The following CCDC88C variants were observed in gnomAD, a reference collection of about 807,000 sequenced individuals.
CCDC88C encodes coiled-coil and HOOK domain protein 88C.
In CCDC88C, 131 loss-of-function variants were observed where a neutral mutation model predicts 198.8. That is an observed-to-expected ratio of 0.66 (90% CI 0.57 to 0.76). The LOEUF is 0.76. CCDC88C is among the 30% of genes least tolerant of loss of function. CCDC88C has a pLI of 0.00. For synonymous variants in CCDC88C, 1,166 were observed against 1,114.7 expected, an observed-to-expected ratio of 1.05 and a Z score of -0.92; for missense variants, 2,553 against 2,631.6, an observed-to-expected ratio of 0.97 and a Z score of 0.65.
intron 4 of CCDC88C, among the ~76,000 whole-genome samples, chr14:91,351,929 C>T (rs1010001555): frequency 1.3e-5 from 2 of 152,180 alleles, no homozygotes; most frequent in Admixed American, 6.5e-5. Flanking sequence ...ACCTGCCTGC[C>T]ACGCCTGCAG....
intron 18 of CCDC88C, 58 bp from the exon 19 acceptor site, chr14:91,305,984 C>A: frequency 6.4e-7 from 1 of 1,569,082 alleles, no homozygotes; most frequent in Non-Finnish European, 8.7e-7. Context: ...GCTAACTGGC[C>A]ACAGGTACTT....
intron 20 of CCDC88C, among the ~76,000 whole-genome samples, chr14:91,302,268 G>T (rs76699589): frequency 0.028 from 4,307 of 152,232 alleles, 203 homozygotes; most frequent in African/African-American, 0.093. Flanking sequence ...TTGTTGAGGC[G>T]GCTCCAAAGG....
At chr14:91,395,037 C>T (rs1489180515) in intron 3 of CCDC88C, among the ~76,000 whole-genome samples, 1 of 152,202 alleles carries the variant, frequency 6.6e-6, no homozygotes, top group Non-Finnish European at 1.5e-5. Context: ...CCCTCCCAGG[C>T]TGGCACTATT....
chr14:91,274,745 C>T (rs1437666488), intron 29 of CCDC88C, among the ~76,000 whole-genome samples: 4 of 152,204 alleles, frequency 2.6e-5, no homozygotes, highest in Non-Finnish European at 5.9e-5. Context: ...CTGGGAACCA[C>T]ATGTATAATT....
At chr14:91,392,632 A>AAAGCC (rs1237396341) in intron 3 of CCDC88C, among the ~76,000 whole-genome samples, 1 of 152,202 alleles carries the variant, frequency 6.6e-6, no homozygotes, top group East Asian at 1.9e-4. Context: ...GGAACATTTT[A>AAAGCC]AAGCCCAGCC....
intron 2 of CCDC88C, among the ~76,000 whole-genome samples, chr14:91,410,013 G>A (rs1310682709): frequency 6.6e-6 from 1 of 152,174 alleles, no homozygotes; most frequent in East Asian, 1.9e-4. Context: ...TTCATGTGGG[G>A]AATCCCCGAA....
rs1049048770 is a variant in CCDC88C, at chr14:91,368,301, T to C, written c.271-8590A>G. Among the ~76,000 whole-genome samples, 44 of 152,190 alleles carry C rather than the reference T, an allele frequency of 2.9e-4. 1 individual carries two copies. On this transcript the variant is annotated intron_variant, in intron 3 of 29. Transcript: ENST00000389857. ...ACCATATTCCTTAAGATTCACAGCC[T>C]GTAGCTGTTAACAAAAGTTAAAAAC... is the stretch of plus-strand genomic sequence containing the variant.
intron 17 of CCDC88C, 121 bp downstream of exon 17, chr14:91,308,230 C>T: frequency 8.7e-7 from 1 of 1,151,048 alleles, no homozygotes. Flanking sequence ...CTCTGTGGCG[C>T]ATCTACCCCT....
intron 3 of CCDC88C, chr14:91,379,981 G>A (rs1474751206): frequency 2.9e-6 from 2 of 689,452 alleles, no homozygotes; most frequent in African/African-American, 3.6e-5. Context: ...AAAACTGTTG[G>A]GAACTGCGCG....
At position 91,273,442 on chromosome 14, in the gene CCDC88C, A is replaced by T; in HGVS notation, c.5270T>A (p.Leu1757Gln). The T allele has an allele frequency of 6.3e-7, 1 of 1,584,716 alleles. No individual in the cohort carries two copies. The highest frequency in any genetic ancestry group is 8.6e-7 in the Non-Finnish European group (1 of 1,163,708). Residue 1757 changes from leucine (L) to glutamine (Q), a missense_variant, in exon 30 of 30, where the codon CTG becomes CAG. Physicochemically the swap from Leu to Gln is moderately radical, Grantham distance 113 (BLOSUM62 -2). Around this residue, in one of 2 missense-constraint regions of CCDC88C, gnomAD observed 1,293 missense variants for 1,219.6 expected, o/e 1.06. Transcript: ENST00000389857. This position sits in a 1 kb window ranked among gnomAD's most constrained non-coding sequence, Gnocchi z 5.6. ...PGQYVKPNFR[L>Q]TEAEAPPSVA... ...GCTGGGTGGGGCCTCGGCCTCAGTC[A>T]GTCTGAAGTTTGGCTTTACGTACTG...
intron 3 of CCDC88C, among the ~76,000 whole-genome samples, chr14:91,393,806 A>G (rs748840730): frequency 6.6e-6 from 1 of 152,206 alleles, no homozygotes; most frequent in African/African-American, 2.4e-5. Context: ...GTGAGCCGAG[A>G]TCGCACCACT....
rs190723916 is a variant in CCDC88C at position 91,321,192 on chromosome 14, C to T, written c.1455G>A (p.Ala485=). The T allele has an allele frequency of 2.0e-5, 32 of 1,612,670 alleles. No individual in the cohort carries two copies. The East Asian group carries it at 5.3e-4, about 27-fold the overall frequency. ...LQSTIQGLRD[A]SLVLEESGLK... is the part of the protein sequence containing the mutation. Reference sequence around the variant, plus strand: ...GGCCGCTCTCCTCCAACACCAGGGACGCGTCCCGCAGCCCCTGGATGGTGC... The same window carrying T: ...GGCCGCTCTCCTCCAACACCAGGGATGCGTCCCGCAGCCCCTGGATGGTGC... The change falls in exon 13 of 30, where the codon GCG becomes GCA. Residue 485 remains alanine (A), a synonymous_variant. Transcript: ENST00000389857.
In CCDC88C at chr14:91,308,477, C is replaced by A; in HGVS notation, c.2880G>T (p.Leu960Phe). ...DSGSDTKYKILEGRNESALKT... is the reference protein window; with the variant it reads ...DSGSDTKYKIFEGRNESALKT... ...TTAATGCTGATTCATTTCTGCCCTC[C>A]AAAATCTTGTATTTTCTGGAAAACA... is the stretch of plus-strand genomic sequence containing the variant. The change falls in exon 17 of 30, where the codon TTG becomes TTT. Residue 960 changes from leucine (L) to phenylalanine (F), a missense_variant. This residue lies in a region of CCDC88C where 1,260 missense variants were observed against 1,412.0 expected (regional missense o/e 0.89). Transcript: ENST00000389857. The A allele has an allele frequency of 6.2e-7, 1 of 1,613,862 alleles. No homozygotes were observed. The highest frequency in any genetic ancestry group is 8.5e-7 in the Non-Finnish European group (1 of 1,179,832).
At chr14:91,392,496 G>T (rs1253998436) in intron 3 of CCDC88C, among the ~76,000 whole-genome samples, 1 of 152,100 alleles carries the variant, frequency 6.6e-6, no homozygotes, top group Admixed American at 6.6e-5. Flanking sequence ...ATTCCTTTCT[G>T]TTCAAAAGGA....
At chr14:91,321,076 C>A in intron 13 of CCDC88C, 44 bp downstream of exon 13, 1 of 1,543,642 alleles carries the variant, frequency 6.5e-7, no homozygotes, top group South Asian at 1.2e-5. Context: ...GGAGGGTGCC[C>A]AAGGGTTCTG....
intron 10 of CCDC88C, among the ~76,000 whole-genome samples, chr14:91,330,063 T>C (rs1892751513): frequency 6.6e-6 from 1 of 152,232 alleles, no homozygotes; most frequent in African/African-American, 2.4e-5. Context: ...GGGACTGCCA[T>C]GTGCTGACCC....
chr14:91,341,583 A>G (rs959303170), intron 6 of CCDC88C, among the ~76,000 whole-genome samples: 3 of 152,218 alleles, frequency 2.0e-5, no homozygotes, highest in Non-Finnish European at 1.5e-5. Context: ...GCAAATCTTC[A>G]TGTATTTATC....
At chr14:91,333,705 G>A (rs534089624) in intron 10 of CCDC88C, among the ~76,000 whole-genome samples, 1 of 152,278 alleles carries the variant, frequency 6.6e-6, no homozygotes, top group South Asian at 2.1e-4. Context: ...GATGGCCTGG[G>A]AGAGGGCCTG....
chr14:91,336,130 A>C (rs926305040), intron 10 of CCDC88C, among the ~76,000 whole-genome samples: 5 of 152,242 alleles, frequency 3.3e-5, no homozygotes, highest in African/African-American at 9.6e-5. Flanking sequence ...GAAAGTCATT[A>C]ATGTGAAAAA....
Sources: allele counts gnomAD v4.1 joint callset (sites outside exome capture counted in the v4.1 genomes callset), GRCh38; gene constraint gnomAD v4.1.1; regional missense constraint gnomAD v4.1.1; non-coding constraint Gnocchi (gnomAD v3.1); transcripts MANE v1.5; gene names NCBI Gene and HGNC (gene_info 2026-07-23, HGNC 2026-07-21).